The following DAO variants were observed in gnomAD, a reference collection of about 807,000 sequenced individuals.
DAO encodes the protein D-amino-acid oxidase.
DAO carries 51 observed loss-of-function variants against 50.1 expected under a neutral mutation model. The observed-to-expected ratio is 1.02, with a 90% CI of 0.81 to 1.29. DAO has a LOEUF of 1.29. DAO is among the 50% of genes most tolerant of loss of function. The pLI is 0.00. For missense variants in DAO, 436 were observed against 439.4 expected, an observed-to-expected ratio of 0.99 and a Z score of 0.07; for synonymous variants, 160 against 166.2, an observed-to-expected ratio of 0.96 and a Z score of 0.29.
chr12:108,889,008 A>G (rs766163440), intron 3 of DAO, among the ~76,000 whole-genome samples: 2 of 152,104 alleles, frequency 1.3e-5, no homozygotes, highest in Non-Finnish European at 2.9e-5. Context: ...AATAGCATCC[A>G]CCCCAATGGC....
In DAO at chr12:108,900,591, T is replaced by G. The variant is rs2039612459; in HGVS notation, c.*56T>G. 8 of 1,602,510 alleles carry G rather than the reference T, an allele frequency of 5.0e-6. No individual in the cohort carries two copies. In the South Asian group the frequency reaches 7.7e-5, roughly 16 times the overall value. On this transcript the variant is annotated 3_prime_UTR_variant, in exon 11 of 11. Coordinates refer to ENST00000228476, the MANE Select transcript of DAO (RefSeq NM_001917.5). ...AGAACTCCCTTCTCCCCTCAGCCAA[T>G]GAATCAATGTGCTCCTTCATAAGCC...
In DAO at chr12:108,898,755, A is replaced by C; in HGVS notation, c.772A>C (p.Thr258Pro). The change falls in exon 9 of 11, where the codon ACC (threonine) becomes CCC (proline). Residue 258 changes from threonine (T) to proline (P), a missense_variant. By Grantham distance (38) the Thr-to-Pro change is conservative (BLOSUM62 -1). Coordinates refer to ENST00000228476, the MANE Select transcript of DAO (RefSeq NM_001917.5). ...ACTAAACAATATCCAGGACCACAAC[A>C]CCATTTGGGAAGGCTGCTGCAGACT... is the stretch of plus-strand genomic sequence containing the variant. ...SELNNIQDHNTIWEGCCRLEP... is the reference protein window; with the variant it reads ...SELNNIQDHNPIWEGCCRLEP... The C allele has an allele frequency of 6.2e-7, 1 of 1,614,124 alleles. No homozygotes were observed. The highest frequency in any genetic ancestry group is 8.5e-7 in the Non-Finnish European group (1 of 1,179,980).
intron 9 of DAO, 29 bp from the exon 10 acceptor site, chr12:108,899,348 A>C: frequency 6.3e-7 from 1 of 1,588,564 alleles, no homozygotes; most frequent in Non-Finnish European, 8.6e-7. Context: ...AAAAATCCAG[A>C]AATGAGTGAT....
At chr12:108,881,616 T>C (rs1215138374) in intron 1 of DAO, among the ~76,000 whole-genome samples, 1 of 149,790 alleles carries the variant, frequency 6.7e-6, no homozygotes, top group African/African-American at 2.4e-5. Flanking sequence ...TTTTTTTTTT[T>C]TTTTTTTGAC....
At position 108,890,766 on chromosome 12, in the gene DAO, G is replaced by T. The variant is rs184562516; in HGVS notation, c.452+493G>T. ...GTTCTAAATTAGCAAACACTCACTTGAGAGATACATTGGTATTTATATTCA... is the reference window on the plus strand; with the variant it reads ...GTTCTAAATTAGCAAACACTCACTTTAGAGATACATTGGTATTTATATTCA... On this transcript the variant is annotated intron_variant, in intron 5 of 10. Transcript: ENST00000228476. 2.6e-5 allele frequency among the ~76,000 whole-genome samples: 4 copies of T among 152,290 alleles called. No homozygotes were observed. In the East Asian group the frequency reaches 7.7e-4, roughly 29 times the overall value.
intron 8 of DAO, among the ~76,000 whole-genome samples, chr12:108,897,717 G>A (rs1030915359): frequency 1.7e-4 from 26 of 152,258 alleles, no homozygotes; most frequent in African/African-American, 6.3e-4. Context: ...CGAGGCCAAT[G>A]TGGGAGGATT....
At chr12:108,898,451 G>A (rs2039585792) in intron 8 of DAO, 1 of 544,122 alleles carries the variant, frequency 1.8e-6, no homozygotes, top group African/African-American at 1.9e-5. Context: ...AGTTGGTGGT[G>A]ATGACCTATT....
intron 3 of DAO, among the ~76,000 whole-genome samples, chr12:108,888,340 A>G (rs371750044): frequency 6.8e-6 from 1 of 145,992 alleles, no homozygotes; most frequent in Non-Finnish European, 1.5e-5. Context: ...GACCAAGAGT[A>G]TTTTTTTTTT....
At chr12:108,890,068 C>A in intron 4 of DAO, 140 bp from the exon 5 acceptor site, 1 of 749,428 alleles carries the variant, frequency 1.3e-6, no homozygotes, top group East Asian at 2.7e-5. Context: ...AAACCACGTC[C>A]CCCCTTGAAC....
intron 5 of DAO, among the ~76,000 whole-genome samples, chr12:108,891,108 A>T (rs2039486175): frequency 6.6e-6 from 1 of 152,202 alleles, no homozygotes; most frequent in South Asian, 2.1e-4. Context: ...GGTGTCAGCC[A>T]CCACGCCCAG....
rs750347943 is a variant in DAO at position 108,885,200 on chromosome 12, C to A, written c.194C>A (p.Ala65Glu). The A allele has an allele frequency of 6.2e-7, 1 of 1,611,966 alleles. No homozygotes were observed. Residue 65 changes from alanine to glutamate, a missense_variant and splice_region_variant, in exon 2 of 11, where the codon GCG (alanine) becomes GAG (glutamate). Transcript: ENST00000228476. ...TCTGACCCCAACAACCCACAGGAGGCGTGAGTGAGGGTCACATAGGGTAGC... is the reference window on the plus strand; with the variant it reads ...TCTGACCCCAACAACCCACAGGAGGAGTGAGTGAGGGTCACATAGGGTAGC... ...YLSDPNNPQEADWSQQTFDYL... is the reference protein window; with the variant it reads ...YLSDPNNPQEEDWSQQTFDYL...
intron 3 of DAO, among the ~76,000 whole-genome samples, chr12:108,888,896 A>G (rs772935970): frequency 1.3e-5 from 2 of 152,206 alleles, no homozygotes; most frequent in African/African-American, 2.4e-5. Flanking sequence ...ACTAAGCTGT[A>G]TGGGTTAAAA....
intron 1 of DAO, 108 bp from the exon 2 acceptor site, chr12:108,884,890 C>T: frequency 9.8e-7 from 1 of 1,018,536 alleles, no homozygotes; most frequent in South Asian, 1.3e-5. Context: ...ATAAAAAGGG[C>T]TTGGTGGTGT....
chr12:108,883,406 G>A (rs9706062), intron 1 of DAO, among the ~76,000 whole-genome samples: 61,466 of 152,042 alleles, frequency 0.4, 15,136 homozygotes, highest in African/African-American at 0.66. Context: ...TCGGCCTCCC[G>A]AGGTATTGGG....
intron 3 of DAO, among the ~76,000 whole-genome samples, 199 bp downstream of exon 3, chr12:108,887,763 A>G (rs567623627): frequency 1.3e-5 from 2 of 152,302 alleles, no homozygotes; most frequent in South Asian, 2.1e-4. Context: ...TTGCTGTTAA[A>G]TTGGCAGAGG....
intron 5 of DAO, among the ~76,000 whole-genome samples, chr12:108,892,156 CTTCTT>C (rs1171631976): frequency 3.6e-5 from 5 of 137,606 alleles, no homozygotes; most frequent in African/African-American, 1.1e-4. Flanking sequence ...TTCTTTCTTT[CTTCTT>C]TTTTTTTTTT....
intron 9 of DAO, among the ~76,000 whole-genome samples, chr12:108,899,132 T>C (rs1224926546): frequency 1.3e-5 from 2 of 152,000 alleles, no homozygotes; most frequent in South Asian, 4.2e-4. Flanking sequence ...GTTGTTAAAA[T>C]TATGGTGGTG....
intron 2 of DAO, among the ~76,000 whole-genome samples, chr12:108,886,215 G>A (rs1426292379): frequency 6.7e-6 from 1 of 149,408 alleles, no homozygotes; most frequent in Non-Finnish European, 1.5e-5. Flanking sequence ...ATAGAGATAG[G>A]GTCTCACTAT....
intron 8 of DAO, among the ~76,000 whole-genome samples, chr12:108,898,009 G>A (rs1179892052): frequency 6.6e-6 from 1 of 152,090 alleles, no homozygotes; most frequent in African/African-American, 2.4e-5. Flanking sequence ...GGTGATTGGG[G>A]CTGATGGTGA....
Sources: allele counts gnomAD v4.1 joint callset (sites outside exome capture counted in the v4.1 genomes callset), GRCh38; gene constraint gnomAD v4.1.1; transcripts MANE v1.5; gene names NCBI Gene and HGNC (gene_info 2026-07-23, HGNC 2026-07-21).